Variants in FHIT observed in about 807,000 individuals in gnomAD.
FHIT encodes bis(5'-adenosyl)-triphosphatase.
FHIT carries 19 observed loss-of-function variants against 17.9 expected under a neutral mutation model. That is an observed-to-expected ratio of 1.06 (90% CI 0.74 to 1.56). The LOEUF (loss-of-function observed/expected upper bound fraction) is 1.56. Among genes scored for constraint, FHIT ranks in the 40% most tolerant of loss-of-function variants. FHIT has a pLI of 0.00. For missense variants in FHIT, 248 were observed against 189.2 expected (o/e 1.31, Z -1.82); for synonymous variants, 81 against 69.7 (o/e 1.16, Z -0.81).
At chr3:60,217,250 C>A (rs1449527802) in intron 5 of FHIT, among the ~76,000 whole-genome samples, 1 of 151,990 alleles carries the variant, frequency 6.6e-6, no homozygotes, top group Non-Finnish European at 1.5e-5. Flanking sequence ...TGCTTCATGG[C>A]CTAATTTGAT....
At chr3:60,860,320 ACAT>A (rs1703638758) in intron 3 of FHIT, among the ~76,000 whole-genome samples, 4 of 146,526 alleles carry the variant, frequency 2.7e-5, no homozygotes, top group African/African-American at 5.3e-5. Context: ...TACATGAGAT[ACAT>A]CATATGTATA....
intron 2 of FHIT, among the ~76,000 whole-genome samples, chr3:61,082,185 A>G (rs1453277296): frequency 6.6e-6 from 1 of 152,158 alleles, no homozygotes; most frequent in Non-Finnish European, 1.5e-5. Flanking sequence ...ACACTACCCA[A>G]ATCAAGAAAT....
At chr3:61,223,147 T>C (rs1364004078) in intron 1 of FHIT, among the ~76,000 whole-genome samples, 6 of 152,198 alleles carry the variant, frequency 3.9e-5, no homozygotes. Flanking sequence ...ATAATATTTA[T>C]ATCCAGGCCT....
chr3:60,204,089 G>C (rs1703044199), intron 5 of FHIT, among the ~76,000 whole-genome samples: 1 of 152,084 alleles, frequency 6.6e-6, no homozygotes, highest in Admixed American at 6.6e-5. Flanking sequence ...TAATTGGATT[G>C]CTTCTAACAC....
At chr3:60,449,276 C>CTT (rs1171873988) in intron 5 of FHIT, among the ~76,000 whole-genome samples, 2 of 152,130 alleles carry the variant, frequency 1.3e-5, no homozygotes, top group Non-Finnish European at 2.9e-5. Flanking sequence ...TTGTTCTAGC[C>CTT]TTTTGTGCCG....
At chr3:60,942,615 A>G (rs1440777849) in intron 3 of FHIT, among the ~76,000 whole-genome samples, 1 of 151,748 alleles carries the variant, frequency 6.6e-6, no homozygotes. Flanking sequence ...AAGTTTGACA[A>G]GTGAGAATGT....
At chr3:60,893,788 G>A (rs1275210085) in intron 3 of FHIT, among the ~76,000 whole-genome samples, 1 of 152,130 alleles carries the variant, frequency 6.6e-6, no homozygotes, top group Non-Finnish European at 1.5e-5. Context: ...CACCTGGGCA[G>A]GTACCTTCCA....
At chr3:61,247,316 T>C (rs986064219) in intron 1 of FHIT, among the ~76,000 whole-genome samples, 4 of 152,182 alleles carry the variant, frequency 2.6e-5, no homozygotes, top group African/African-American at 4.8e-5. Context: ...CTCATGGCTA[T>C]TGAAGTTGTC....
intron 4 of FHIT, among the ~76,000 whole-genome samples, chr3:60,797,345 A>C (rs993898977): frequency 2.6e-5 from 4 of 152,162 alleles, no homozygotes; most frequent in African/African-American, 4.8e-5. Context: ...CAGACAATAG[A>C]GATGTACACT....
intron 8 of FHIT, among the ~76,000 whole-genome samples, chr3:59,884,298 T>C (rs1703528734): frequency 1.3e-5 from 2 of 152,206 alleles, no homozygotes; most frequent in African/African-American, 4.8e-5. Flanking sequence ...TTTATATCAG[T>C]AAAATTTATA....
At chr3:60,900,836 C>T (rs1054211095) in intron 3 of FHIT, among the ~76,000 whole-genome samples, 10 of 151,950 alleles carry the variant, frequency 6.6e-5, no homozygotes, top group African/African-American at 1.7e-4. Flanking sequence ...GGAGTGCAGT[C>T]GTGCGATCTC....
At position 60,648,434 on chromosome 3, in the gene FHIT, C is replaced by T. The variant is rs967910079; in HGVS notation, c.-17-111455G>A. On this transcript the variant is annotated intron_variant, in intron 4 of 9. Transcript: ENST00000492590. ...TGGTCTGGGCTTAAGAACAATTGTG[C>T]GTGGTACTTTATCTCCCTGGTCTAG... is the stretch of plus-strand genomic sequence containing the variant. 5.3e-5 allele frequency among the ~76,000 whole-genome samples: 8 copies of T among 152,002 alleles called. No homozygotes were observed. The East Asian group carries it at 5.8e-4, about 11-fold the overall frequency.
chr3:60,518,139 A>G (rs1326667088), intron 5 of FHIT, among the ~76,000 whole-genome samples: 4 of 152,218 alleles, frequency 2.6e-5, no homozygotes, highest in Non-Finnish European at 5.9e-5. Context: ...AAAAACTCAT[A>G]AATGACCAAG....
At chr3:60,394,782 C>T (rs1218800355) in intron 5 of FHIT, among the ~76,000 whole-genome samples, 1 of 152,158 alleles carries the variant, frequency 6.6e-6, no homozygotes. Flanking sequence ...CTGCTGTCAG[C>T]ATCACTACCA....
At chr3:59,932,266 AT>A (rs1706010070) in intron 7 of FHIT, among the ~76,000 whole-genome samples, 1 of 113,850 alleles carries the variant, frequency 8.8e-6, no homozygotes, top group Non-Finnish European at 2.1e-5. Context: ...AGGAGAAGTT[AT>A]TTTTTATTTT....
intron 8 of FHIT, among the ~76,000 whole-genome samples, chr3:59,824,043 A>T (rs1466461622): frequency 6.6e-6 from 1 of 152,256 alleles, no homozygotes; most frequent in African/African-American, 2.4e-5. Context: ...GCTCTGCTAT[A>T]CACTGACAGC....
chr3:60,517,853 A>G (rs75793770), intron 5 of FHIT, among the ~76,000 whole-genome samples: 2,134 of 152,288 alleles, frequency 0.014, 55 homozygotes, highest in African/African-American at 0.049. Flanking sequence ...AGAATGTGAA[A>G]ACACCGCTGT....
chr3:61,024,986 C>A (rs1433857786), intron 3 of FHIT, among the ~76,000 whole-genome samples: 1 of 151,972 alleles, frequency 6.6e-6, no homozygotes, highest in Non-Finnish European at 1.5e-5. Flanking sequence ...TTGTCTATAT[C>A]TATGAACTGT....
intron 5 of FHIT, among the ~76,000 whole-genome samples, chr3:60,340,892 A>G (rs1031789921): frequency 6.6e-6 from 1 of 152,096 alleles, no homozygotes; most frequent in Non-Finnish European, 1.5e-5. Flanking sequence ...GGGTTTCACT[A>G]TGTAGGCCAG....
Sources: allele counts gnomAD v4.1 joint callset (sites outside exome capture counted in the v4.1 genomes callset), GRCh38; gene constraint gnomAD v4.1.1; transcripts MANE v1.5; gene names NCBI Gene and HGNC (gene_info 2026-07-23, HGNC 2026-07-21).